Variants in VAV2 observed in about 807,000 individuals in gnomAD.
VAV2 encodes the protein guanine nucleotide exchange factor VAV2.
A neutral mutation model predicts 132.5 loss-of-function variants in VAV2; 67 were observed. The observed-to-expected ratio is 0.51, with a 90% CI of 0.42 to 0.62. The LOEUF (loss-of-function observed/expected upper bound fraction) is 0.62. VAV2 is among the 20% of genes least tolerant of loss of function. The pLI, the probability that VAV2 is intolerant of heterozygous loss-of-function variation, is 0.00. For synonymous variants in VAV2, 492 were observed against 443.5 expected (o/e 1.11, Z -1.37); for missense variants, 938 against 1,153.6 (o/e 0.81, Z 2.71).
chr9:133,787,315 C>G, intron 15 of VAV2, 55 bp from the exon 16 acceptor site: 1 of 1,525,380 alleles, frequency 6.6e-7, no homozygotes, highest in Non-Finnish European at 8.8e-7. Context: ...AGGCTAAGCC[C>G]GGCCCTGTGG....
intron 2 of VAV2, among the ~76,000 whole-genome samples, chr9:133,896,406 A>T (rs1055168519): frequency 6.6e-6 from 1 of 152,222 alleles, no homozygotes; most frequent in Non-Finnish European, 1.5e-5. Flanking sequence ...ATGAGCCAAG[A>T]TCGCGCCATT....
intron 2 of VAV2, among the ~76,000 whole-genome samples, chr9:133,934,159 G>A (rs1008336325): frequency 2.6e-5 from 4 of 152,078 alleles, no homozygotes; most frequent in Admixed American, 1.3e-4. Flanking sequence ...GTGAATGAAC[G>A]AATAAATGAA....
At chr9:133,777,223 C>T (rs1337471749) in intron 23 of VAV2, among the ~76,000 whole-genome samples, 166 bp downstream of exon 23, 1 of 152,166 alleles carries the variant, frequency 6.6e-6, no homozygotes, top group South Asian at 2.1e-4. Context: ...CACAGCCCCC[C>T]ACCCATCTTC....
intron 10 of VAV2, among the ~76,000 whole-genome samples, chr9:133,796,868 G>C (rs1241224246): frequency 6.6e-6 from 1 of 152,240 alleles, no homozygotes; most frequent in Non-Finnish European, 1.5e-5. Flanking sequence ...AGGTCCTTTG[G>C]AGAAGGGGCA....
Position 133,793,931 on chromosome 9 carries a change from T to C in VAV2, c.1101+1737A>G, listed in dbSNP as rs1271773958. Reference sequence around the variant, plus strand: ...AATTGGGAATGGATCAAAAGACTTCTAAAATCCCCCCAGCCCTGAAGTTTC... The same window carrying C: ...AATTGGGAATGGATCAAAAGACTTCCAAAATCCCCCCAGCCCTGAAGTTTC... On this transcript the variant is annotated intron_variant, in intron 12 of 29. Transcript: ENST00000371850. 2.6e-5 allele frequency among the ~76,000 whole-genome samples: 4 copies of C among 152,084 alleles called. No individual in the cohort carries two copies. In the South Asian group the frequency reaches 6.2e-4, roughly 24 times the overall value.
chr9:133,809,208 G>T, intron 6 of VAV2, 70 bp from the exon 7 acceptor site: 1 of 1,339,372 alleles, frequency 7.5e-7, no homozygotes, highest in Non-Finnish European at 1.1e-6. Context: ...CATCTGCACC[G>T]CGACACCCGG....
At chr9:133,778,954 G>A (rs1041249951) in intron 21 of VAV2, 65 bp from the exon 22 acceptor site, 106 of 1,578,634 alleles carry the variant, frequency 6.7e-5, no homozygotes, top group Admixed American at 6.4e-4. Flanking sequence ...CTTGGCCCCG[G>A]CCCGCAGCCC....
rs58155949 is a variant in VAV2 at position 133,802,323 on chromosome 9, T to TACACACACACACACAC, written c.836+3742_836+3757dup. Among the ~76,000 whole-genome samples, 1,155 of 142,146 alleles carry TACACACACACACACAC rather than the reference T, an allele frequency of 8.1e-3. 10 individuals carry two copies. The highest frequency in any genetic ancestry group is 0.017 in the African/African-American group (660 of 38,466). The allele number at this position is 142,146 out of a possible 152,430, so 93.3% of individuals were successfully genotyped here. A position where few individuals can be genotyped will look rare whatever the true frequency, so the allele number is the denominator to read the frequency against. Reference sequence around the variant, plus strand: ...GCACACAAACACACAAGCACGCGTGTACACACACACACACACACACACACA... The same window carrying TACACACACACACACAC: ...GCACACAAACACACAAGCACGCGTGTACACACACACACACACACACACACACACACACACACACACA... On this transcript the variant is annotated intron_variant, in intron 9 of 29. Transcript: ENST00000371850. The surrounding 1 kb of genome is among the most constrained non-coding windows in gnomAD (Gnocchi z 5.8).
intron 4 of VAV2, among the ~76,000 whole-genome samples, chr9:133,828,676 G>C (rs537808625): frequency 1.6e-4 from 25 of 152,360 alleles, no homozygotes; most frequent in African/African-American, 6.0e-4. Context: ...TCCTGAGGGA[G>C]AGGTGATCCT....
intron 9 of VAV2, among the ~76,000 whole-genome samples, chr9:133,799,907 G>T (rs575572026): frequency 6.6e-6 from 1 of 152,084 alleles, no homozygotes; most frequent in Non-Finnish European, 1.5e-5. Context: ...CCCGGCGGCC[G>T]CCTGCACCTG....
intron 2 of VAV2, among the ~76,000 whole-genome samples, chr9:133,870,199 G>A (rs1234151597): frequency 6.6e-6 from 1 of 152,174 alleles, no homozygotes; most frequent in Admixed American, 6.5e-5. Flanking sequence ...CAGTGCATTG[G>A]GCAATGGCAG....
intron 1 of VAV2, among the ~76,000 whole-genome samples, chr9:133,949,860 GC>G (rs1322519459): frequency 6.6e-6 from 1 of 152,214 alleles, no homozygotes; most frequent in African/African-American, 2.4e-5. Flanking sequence ...CAGAACACCT[GC>G]CCCCGACCCG....
rs575794740 is a variant in VAV2 at position 133,841,959 on chromosome 9, G to A, written c.381-7619C>T. Among the ~76,000 whole-genome samples, 11 of 152,088 alleles carry A rather than the reference G, an allele frequency of 7.2e-5. No homozygotes were observed. The South Asian group carries it at 1.2e-3, about 17-fold the overall frequency. ...ATTCCTGGATCACAATTGGAAAAGCGCCCCTCCCCACAGATGGTCCACCCG... is the reference window on the plus strand; with the variant it reads ...ATTCCTGGATCACAATTGGAAAAGCACCCCTCCCCACAGATGGTCCACCCG... On this transcript the variant is annotated intron_variant, in intron 3 of 29. Coordinates refer to ENST00000371850, the MANE Select transcript of VAV2 (RefSeq NM_001134398.2).
intron 23 of VAV2, among the ~76,000 whole-genome samples, chr9:133,777,033 T>C (rs1445941922): frequency 6.6e-6 from 1 of 152,196 alleles, no homozygotes; most frequent in Non-Finnish European, 1.5e-5. Context: ...TTTTTTTCTC[T>C]CTAAGGCTGC....
chr9:133,800,538 C>T (rs1298798819), intron 9 of VAV2, among the ~76,000 whole-genome samples: 2 of 152,232 alleles, frequency 1.3e-5, no homozygotes, highest in Admixed American at 6.5e-5. Context: ...ACTGCGGACT[C>T]GGCTTCAAGC....
chr9:133,793,086 A>G (rs1588182033), intron 12 of VAV2, among the ~76,000 whole-genome samples: 1 of 152,042 alleles, frequency 6.6e-6, no homozygotes, highest in East Asian at 1.9e-4. Context: ...GGACAGAATG[A>G]GGGGTCAGGA....
chr9:133,938,986 C>T, intron 2 of VAV2, 117 bp downstream of exon 2: 1 of 934,512 alleles, frequency 1.1e-6, no homozygotes, highest in South Asian at 1.4e-5. Flanking sequence ...TGCAGAAATC[C>T]ACTGGCTCTG....
chr9:133,914,214 C>T (rs1256122937), intron 2 of VAV2, among the ~76,000 whole-genome samples: 1 of 152,164 alleles, frequency 6.6e-6, no homozygotes, highest in Non-Finnish European at 1.5e-5. Flanking sequence ...AAAGGCAGCA[C>T]TCACTGGGCC....
At chr9:133,780,858 C>A (rs781040993) in intron 19 of VAV2, 148 bp from the exon 20 acceptor site, 13 of 870,940 alleles carry the variant, frequency 1.5e-5, no homozygotes, top group Non-Finnish European at 1.8e-5. Flanking sequence ...GGACATGGAT[C>A]ATGGACACAC....
Sources: gnomAD v4.1 joint callset for allele counts (sites outside exome capture counted in the v4.1 genomes callset) on GRCh38, gnomAD v4.1.1 for gene constraint, Gnocchi (gnomAD v3.1) non-coding constraint, MANE v1.5 for transcripts, NCBI Gene and HGNC (gene_info 2026-07-23, HGNC 2026-07-21) for gene names.